The following STK3 variants were observed in gnomAD, a reference collection of about 807,000 sequenced individuals.
STK3 encodes the protein serine/threonine kinase 3.
A neutral mutation model predicts 58.0 loss-of-function variants in STK3; 41 were observed. The observed-to-expected ratio is 0.71, with a 90% CI of 0.55 to 0.92. The LOEUF is 0.92. STK3 is among the 40% of genes least tolerant of loss of function. STK3 has a pLI of 0.00. For missense variants in STK3, 479 were observed against 602.7 expected (o/e 0.79, Z 2.15); for synonymous variants, 170 against 191.0 (o/e 0.89, Z 0.91).
chr8:98,722,401 G>A (rs1467600759), intron 4 of STK3, among the ~76,000 whole-genome samples: 1 of 152,130 alleles, frequency 6.6e-6, no homozygotes, highest in African/African-American at 2.4e-5. Context: ...AAGGTTTAAG[G>A]TACTCTACAA....
At chr8:98,376,736 C>T (rs1199434048) in intron 2 of STK3, among the ~76,000 whole-genome samples, 3 of 152,162 alleles carry the variant, frequency 2.0e-5, no homozygotes, top group African/African-American at 4.8e-5. Context: ...ATGTTTATAA[C>T]TTAAGAGTGA....
rs539265770 is a variant in STK3 at position 98,650,371 on chromosome 8, G to A, written c.685-54202C>T. 2.9e-4 allele frequency among the ~76,000 whole-genome samples: 44 copies of A among 152,348 alleles called. No individual in the cohort carries two copies. The East Asian group carries it at 3.3e-3, about 11-fold the overall frequency. ...GGCCCGGAGGGCAGCCAAGATGACC[G>A]AATAGGAACAACTCTGGTCTACAGC... On this transcript the variant is annotated intron_variant, in intron 6 of 10. Coordinates refer to ENST00000419617, the MANE Select transcript of STK3 (RefSeq NM_006281.4).
chr8:98,429,583 GA>G (rs1296261592), intron 3 of STK3: 3 of 593,224 alleles, frequency 5.1e-6, no homozygotes, highest in Non-Finnish European at 6.1e-6. Flanking sequence ...ATCGTTTTTA[GA>G]GGGTGGTGTG....
chr8:98,607,583 G>A (rs1816873632), intron 6 of STK3, among the ~76,000 whole-genome samples: 1 of 152,154 alleles, frequency 6.6e-6, no homozygotes, highest in Non-Finnish European at 1.5e-5. Flanking sequence ...AGTGAAATGA[G>A]AAATACGCAT....
chr8:98,520,843 A>T (rs756097975), intron 10 of STK3, among the ~76,000 whole-genome samples: 9 of 152,138 alleles, frequency 5.9e-5, no homozygotes, highest in Admixed American at 2.6e-4. Flanking sequence ...AACAGCTGGT[A>T]TCTTTGCTTT....
intron 3 of STK3, among the ~76,000 whole-genome samples, chr8:98,755,845 C>A (rs1393501324): frequency 6.6e-6 from 1 of 152,070 alleles, no homozygotes; most frequent in African/African-American, 2.4e-5. Flanking sequence ...CTCCTATATA[C>A]AAACTAAAGA....
chr8:98,434,959 G>C (rs1294102517), intron 2 of STK3, among the ~76,000 whole-genome samples: 1 of 152,206 alleles, frequency 6.6e-6, no homozygotes, highest in Non-Finnish European at 1.5e-5. Flanking sequence ...AGTTAACCTA[G>C]TGTGCTCCTA....
intron 1 of STK3, among the ~76,000 whole-genome samples, chr8:98,904,312 G>A (rs994157082): frequency 5.9e-5 from 9 of 152,140 alleles, no homozygotes; most frequent in Admixed American, 1.3e-4. Flanking sequence ...GGGTTCCACT[G>A]CACAGGAAAA....
rs745451635 is a variant in STK3, at chr8:98,800,783, G to A, written c.26+24732C>T. On this transcript the variant is annotated intron_variant, in intron 1 of 10. Transcript: ENST00000419617. This position sits in a 1 kb window ranked among gnomAD's most constrained non-coding sequence, Gnocchi z 4.8. ...GTACCCCAGCACTGCCGGCCCTCCC[G>A]CGCTGAGCTCGAATTCTTGCCAGGC... 6.6e-5 allele frequency among the ~76,000 whole-genome samples: 10 copies of A among 152,172 alleles called. No individual in the cohort carries two copies. The highest frequency in any genetic ancestry group is 9.7e-5 in the African/African-American group (4 of 41,446).
At chr8:98,465,449 A>T (rs1287745483) in intron 10 of STK3, among the ~76,000 whole-genome samples, 1 of 152,214 alleles carries the variant, frequency 6.6e-6, no homozygotes, top group African/African-American at 2.4e-5. Flanking sequence ...CTTTCCTGTC[A>T]GATTGTACCT....
chr8:98,387,872 CCTTTT>C (rs1291022283), intron 1 of STK3, among the ~76,000 whole-genome samples: 37 of 144,730 alleles, frequency 2.6e-4, no homozygotes, highest in African/African-American at 9.8e-4. Flanking sequence ...TGTAAAATGC[CCTTTT>C]TTTTTTTTTT....
At chr8:98,518,112 C>G (rs1380970399) in intron 10 of STK3, among the ~76,000 whole-genome samples, 1 of 151,960 alleles carries the variant, frequency 6.6e-6, no homozygotes, top group Non-Finnish European at 1.5e-5. Context: ...AGTCATTTTT[C>G]TTTTGCCATG....
intron 6 of STK3, among the ~76,000 whole-genome samples, chr8:98,637,646 A>G (rs1819713768): frequency 6.6e-6 from 1 of 152,134 alleles, no homozygotes. Flanking sequence ...CCCTAATTCA[A>G]CTCCAATGTC....
chr8:98,552,140 C>T (rs967242578), intron 8 of STK3, among the ~76,000 whole-genome samples: 1 of 152,122 alleles, frequency 6.6e-6, no homozygotes. Context: ...AAGCTTATAT[C>T]ACCACCTTCT....
intron 1 of STK3, among the ~76,000 whole-genome samples, chr8:98,932,774 G>A (rs1475922520): frequency 1.3e-5 from 2 of 152,186 alleles, no homozygotes; most frequent in South Asian, 4.1e-4. Context: ...TAGGCCCTGG[G>A]AGGACAGCTG....
intron 1 of STK3, among the ~76,000 whole-genome samples, chr8:98,791,129 A>G (rs1587631308): frequency 6.6e-6 from 1 of 152,332 alleles, no homozygotes; most frequent in South Asian, 2.1e-4. Flanking sequence ...AAGTTTCCAG[A>G]TACAACATTA....
At chr8:98,652,939 T>C (rs978784113) in intron 6 of STK3, among the ~76,000 whole-genome samples, 1 of 152,008 alleles carries the variant, frequency 6.6e-6, no homozygotes, top group Non-Finnish European at 1.5e-5. Flanking sequence ...AGAAAGTTAA[T>C]AAGCATACCC....
intron 1 of STK3, among the ~76,000 whole-genome samples, chr8:98,885,233 C>G (rs2131907102): frequency 6.6e-6 from 1 of 152,254 alleles, no homozygotes; most frequent in Middle Eastern, 3.4e-3. Context: ...CCTCCTTGCC[C>G]CAGCACAGAT....
chr8:98,713,499 C>T (rs1342487363), intron 4 of STK3, among the ~76,000 whole-genome samples: 6 of 152,156 alleles, frequency 3.9e-5, no homozygotes, highest in Middle Eastern at 3.2e-3. Context: ...CTATAAACAC[C>T]TCTACGCAAA....
Sources: allele counts gnomAD v4.1 joint callset (sites outside exome capture counted in the v4.1 genomes callset), GRCh38; gene constraint gnomAD v4.1.1; non-coding constraint Gnocchi (gnomAD v3.1); transcripts MANE v1.5; gene names NCBI Gene and HGNC (gene_info 2026-07-23, HGNC 2026-07-21).